The following ST6GALNAC3 variants were observed in gnomAD, a reference collection of about 807,000 sequenced individuals.
ST6GALNAC3 encodes alpha-N-acetylgalactosaminide alpha-2,6-sialyltransferase 3.
A neutral mutation model predicts 32.7 loss-of-function variants in ST6GALNAC3; 25 were observed. The observed-to-expected ratio is 0.76, with a 90% confidence interval of 0.56 to 1.07. The LOEUF is 1.07. Among genes scored for constraint, ST6GALNAC3 ranks in the 50% least tolerant of loss-of-function variants. ST6GALNAC3 has a pLI of 0.00. For synonymous variants in ST6GALNAC3, 129 were observed against 133.1 expected (o/e 0.97, Z 0.21); for missense variants, 355 against 382.4 (o/e 0.93, Z 0.60).
At chr1:76,431,669 C>G (rs1655761967) in intron 3 of ST6GALNAC3, among the ~76,000 whole-genome samples, 1 of 152,126 alleles carries the variant, frequency 6.6e-6, no homozygotes, top group African/African-American at 2.4e-5. Flanking sequence ...GAACAAGAAG[C>G]TGATTCTCTT....
chr1:76,434,306 T>C (rs1384219934), intron 3 of ST6GALNAC3, among the ~76,000 whole-genome samples: 2 of 152,220 alleles, frequency 1.3e-5, no homozygotes, highest in African/African-American at 2.4e-5. Flanking sequence ...TCACAGTCCA[T>C]TGTGAACATA....
At chr1:76,487,026 TTC>T (rs1436708006) in intron 3 of ST6GALNAC3, among the ~76,000 whole-genome samples, 15 of 152,352 alleles carry the variant, frequency 9.8e-5, no homozygotes, top group African/African-American at 3.4e-4. Context: ...TTGAAAATTC[TTC>T]TCTTTAAGAA....
intron 2 of ST6GALNAC3, among the ~76,000 whole-genome samples, chr1:76,378,899 A>G (rs1202432136): frequency 6.6e-6 from 1 of 151,820 alleles, no homozygotes. Context: ...CATCAGACCT[A>G]AGAATGTTTT....
intron 1 of ST6GALNAC3, among the ~76,000 whole-genome samples, chr1:76,115,184 T>C (rs753375611): frequency 5.9e-5 from 9 of 152,200 alleles, no homozygotes; most frequent in Non-Finnish European, 1.0e-4. Context: ...TTGTTAGATA[T>C]ATTACATTTC....
chr1:76,200,707 A>C (rs1654467917), intron 1 of ST6GALNAC3, among the ~76,000 whole-genome samples: 1 of 152,032 alleles, frequency 6.6e-6, no homozygotes, highest in Admixed American at 6.6e-5. Context: ...GACATGTATA[A>C]TCTCACACAA....
chr1:76,625,882 A>G (rs1648936652), intron 3 of ST6GALNAC3, among the ~76,000 whole-genome samples: 1 of 151,892 alleles, frequency 6.6e-6, no homozygotes, highest in Admixed American at 6.6e-5. Flanking sequence ...ATGCGAAGGA[A>G]TGGCTACTTA....
chr1:76,573,720 A>G (rs925630802), intron 3 of ST6GALNAC3, among the ~76,000 whole-genome samples: 2 of 152,032 alleles, frequency 1.3e-5, no homozygotes, highest in Non-Finnish European at 2.9e-5. Context: ...AAATATGAAA[A>G]ATGGAAAAGC....
intron 3 of ST6GALNAC3, among the ~76,000 whole-genome samples, chr1:76,460,443 C>G (rs1383712052): frequency 6.6e-6 from 1 of 152,010 alleles, no homozygotes; most frequent in Non-Finnish European, 1.5e-5. Context: ...TTGCTAAATT[C>G]TTTGTCCACT....
At chr1:76,218,084 A>G (rs1655573348) in intron 1 of ST6GALNAC3, among the ~76,000 whole-genome samples, 1 of 152,008 alleles carries the variant, frequency 6.6e-6, no homozygotes, top group Non-Finnish European at 1.5e-5. Flanking sequence ...TCTTTAAGGA[A>G]TCTCCACACT....
At chr1:76,534,343 C>T (rs926451295) in intron 3 of ST6GALNAC3, among the ~76,000 whole-genome samples, 1 of 152,084 alleles carries the variant, frequency 6.6e-6, no homozygotes, top group Admixed American at 6.6e-5. Flanking sequence ...ATGCCTGGCC[C>T]AGTCCTATAC....
chr1:76,172,402 G>T (rs141727213), intron 1 of ST6GALNAC3, among the ~76,000 whole-genome samples: 3,006 of 152,250 alleles, frequency 0.02, 36 homozygotes, highest in Non-Finnish European at 0.031. Context: ...GCAAAAGCTG[G>T]AAGCATTCCC....
intron 1 of ST6GALNAC3, among the ~76,000 whole-genome samples, chr1:76,152,918 G>A (rs1441680246): frequency 6.6e-6 from 1 of 152,102 alleles, no homozygotes; most frequent in East Asian, 1.9e-4. Flanking sequence ...CAAAATATAA[G>A]CTCTATAATG....
At chr1:76,396,184 G>T (rs1652940803) in intron 2 of ST6GALNAC3, among the ~76,000 whole-genome samples, 1 of 152,180 alleles carries the variant, frequency 6.6e-6, no homozygotes, top group Non-Finnish European at 1.5e-5. Flanking sequence ...GACCAATTGG[G>T]CCAGGCATGG....
intron 1 of ST6GALNAC3, among the ~76,000 whole-genome samples, chr1:76,116,323 C>G (rs976146881): frequency 2.0e-5 from 3 of 152,068 alleles, no homozygotes; most frequent in African/African-American, 7.2e-5. Context: ...GAGTGTTCTG[C>G]CCACTTAAAA....
chr1:76,470,626 G>A (rs531758969), intron 3 of ST6GALNAC3, among the ~76,000 whole-genome samples: 8 of 152,082 alleles, frequency 5.3e-5, no homozygotes, highest in Admixed American at 4.6e-4. Context: ...TTCCCTCATG[G>A]TTCCCCAAAT....
chr1:76,236,438 AATT>A (rs1300999953), intron 1 of ST6GALNAC3, among the ~76,000 whole-genome samples: 1 of 152,182 alleles, frequency 6.6e-6, no homozygotes, highest in Non-Finnish European at 1.5e-5. Context: ...GGTTTGCTCT[AATT>A]ATTATTAGTA....
chr1:76,269,754 T>G (rs917914676), intron 1 of ST6GALNAC3, among the ~76,000 whole-genome samples: 5 of 152,184 alleles, frequency 3.3e-5, no homozygotes, highest in African/African-American at 1.2e-4. Flanking sequence ...AAAAGAAAAC[T>G]GGTTGTCTAG....
At chr1:76,436,749 T>G (rs190099784) in intron 3 of ST6GALNAC3, among the ~76,000 whole-genome samples, 13 of 152,230 alleles carry the variant, frequency 8.5e-5, no homozygotes, top group Admixed American at 6.5e-4. Flanking sequence ...AATTGAGACA[T>G]AGTGATGCTG....
chr1:76,439,983 A>G (rs1432685408), intron 3 of ST6GALNAC3, among the ~76,000 whole-genome samples: 1 of 152,260 alleles, frequency 6.6e-6, no homozygotes, highest in South Asian at 2.1e-4. Context: ...ATGTTGTTAT[A>G]AACGTGTTTA....
Sources: gnomAD v4.1 joint callset for allele counts (sites outside exome capture counted in the v4.1 genomes callset) on GRCh38, gnomAD v4.1.1 for gene constraint, MANE v1.5 for transcripts, NCBI Gene and HGNC (gene_info 2026-07-23, HGNC 2026-07-21) for gene names.